The following MSL2 variants were observed in gnomAD, a reference collection of about 807,000 sequenced individuals.
The protein encoded by MSL2 is MSL complex subunit 2.
A neutral mutation model predicts 35.8 loss-of-function variants in MSL2; 2 were observed. The observed-to-expected ratio is 0.06, with a 90% CI of 0.02 to 0.18. The LOEUF (loss-of-function observed/expected upper bound fraction) is 0.18, where lower values mean the gene tolerates loss of function less well. Ranked by LOEUF, MSL2 falls within the 10% of genes least tolerant of loss-of-function variation. MSL2 has a pLI of 1.00. For missense variants in MSL2, 523 were observed against 706.7 expected, an observed-to-expected ratio of 0.74 and a Z score of 2.95; for synonymous variants, 296 against 255.7, an observed-to-expected ratio of 1.16 and a Z score of -1.50.
At chr3:136,153,947 G>A (rs1323430373) in intron 1 of MSL2, among the ~76,000 whole-genome samples, 1 of 151,970 alleles carries the variant, frequency 6.6e-6, no homozygotes, top group Non-Finnish European at 1.5e-5. Flanking sequence ...GCCGGGCAGG[G>A]TGATGGGCAC....
intron 1 of MSL2, among the ~76,000 whole-genome samples, chr3:136,181,646 C>T (rs535814791): frequency 3.3e-5 from 5 of 152,064 alleles, no homozygotes; most frequent in Admixed American, 2.0e-4. Context: ...TGGCCGGGCG[C>T]GGTGGTTCAC....
rs1247782940 is a variant in MSL2 at position 136,151,981 on chromosome 3, A to G, written c.900T>C (p.Asn300=). The G allele has an allele frequency of 1.2e-6, 2 of 1,614,124 alleles. No individual in the cohort carries two copies. Among genetic ancestry groups the G allele is most frequent in the Non-Finnish European group, 1.7e-6 (2 of 1,180,050 alleles). ...LQPNLEATVS[N]GPFLQLSSQS... is the part of the protein sequence containing the mutation. ...GGGAAGAAAGCTGCAGAAAAGGTCC[A>G]TTGGATACAGTGGCTTCCAAGTTCG... The change falls in exon 2 of 2, where the codon AAT becomes AAC. Residue 300 remains asparagine, a synonymous_variant. Coordinates refer to ENST00000309993, the MANE Select transcript of MSL2 (RefSeq NM_018133.4). This position sits in a 1 kb window ranked among gnomAD's most constrained non-coding sequence, Gnocchi z 5.2.
chr3:136,157,371 G>T (rs546447190), intron 1 of MSL2, among the ~76,000 whole-genome samples: 219 of 152,272 alleles, frequency 1.4e-3, no homozygotes, highest in South Asian at 3.5e-3. Flanking sequence ...TCCAAGGGTG[G>T]TGAACACCTG....
At chr3:136,156,925 AG>A (rs1377251336) in intron 1 of MSL2, among the ~76,000 whole-genome samples, 2 of 151,434 alleles carry the variant, frequency 1.3e-5, no homozygotes, top group African/African-American at 2.4e-5. Context: ...TAACTGTTGA[AG>A]AAGAGAAAAT....
rs543172705 is a variant in MSL2 at position 136,176,951 on chromosome 3, C to A, written c.142+18021G>T. Among the ~76,000 whole-genome samples, 944 of 152,262 alleles carry A rather than the reference C, an allele frequency of 6.2e-3. 12 individuals are homozygous for A. Among genetic ancestry groups the A allele is most frequent in the African/African-American group, 0.022 (895 of 41,550 alleles). On this transcript the variant is annotated intron_variant, in intron 1 of 1. Transcript: ENST00000309993. Reference sequence around the variant, plus strand: ...GCTATAAAAGATAACAAGCTCAGGTCAAAGAGAAATGAACTTGAGACCAGA... The same window carrying A: ...GCTATAAAAGATAACAAGCTCAGGTAAAAGAGAAATGAACTTGAGACCAGA...
chr3:136,161,399 A>G (rs1333552087), intron 1 of MSL2, among the ~76,000 whole-genome samples: 1 of 152,220 alleles, frequency 6.6e-6, no homozygotes, highest in Non-Finnish European at 1.5e-5. Flanking sequence ...ACATATCCAC[A>G]CAGAAAAACG....
intron 1 of MSL2, among the ~76,000 whole-genome samples, chr3:136,154,374 T>G (rs1388593210): frequency 6.6e-6 from 1 of 152,218 alleles, no homozygotes; most frequent in East Asian, 1.9e-4. Context: ...TCTCAAATTA[T>G]CAATGACATA....
chr3:136,153,698 G>A (rs1173532549), intron 1 of MSL2, among the ~76,000 whole-genome samples: 5 of 151,964 alleles, frequency 3.3e-5, no homozygotes, highest in African/African-American at 4.8e-5. Flanking sequence ...GCTGAGGCAG[G>A]AGCATCACTT....
chr3:136,194,324 C>A, intron 1 of MSL2: 3 of 775,838 alleles, frequency 3.9e-6, no homozygotes, highest in Non-Finnish European at 4.7e-6. Flanking sequence ...ACAAAAACAT[C>A]TAAAATAACC....
intron 1 of MSL2, among the ~76,000 whole-genome samples, chr3:136,186,388 CA>C (rs750729530): frequency 1.3e-5 from 2 of 152,192 alleles, no homozygotes; most frequent in Non-Finnish European, 2.9e-5. Context: ...TTCTTCTAAT[CA>C]GGGGTCCCTA....
Position 136,149,156 on chromosome 3 carries a change from G to C in MSL2, c.*1991C>G, listed in dbSNP as rs1047391856. On this transcript the variant is annotated 3_prime_UTR_variant, in exon 2 of 2. Transcript: ENST00000309993. ...AAAACCCACAAGATTATCAAACTTGGGAAGCAATAAAGTACTCTATGAATT... is the reference window on the plus strand; with the variant it reads ...AAAACCCACAAGATTATCAAACTTGCGAAGCAATAAAGTACTCTATGAATT... 6.6e-6 allele frequency: 1 copy of C among 150,872 alleles called. No homozygotes were observed. Among genetic ancestry groups the C allele is most frequent in the African/African-American group, 2.4e-5 (1 of 41,052 alleles). The allele number at this position is 150,872 out of a possible 1,614,324, so 9.3% of individuals were successfully genotyped here. A position where few individuals can be genotyped will look rare whatever the true frequency, so the allele number is the denominator to read the frequency against.
At chr3:136,175,391 A>G (rs1284873489) in intron 1 of MSL2, among the ~76,000 whole-genome samples, 2 of 151,696 alleles carry the variant, frequency 1.3e-5, no homozygotes, top group African/African-American at 4.8e-5. Context: ...ACTGATGTCA[A>G]AAGTCTGAGA....
rs34598343 is a variant in MSL2, at chr3:136,149,527, CACAT to C, written c.*1616_*1619del. The C allele has an allele frequency of 0.17, 25,661 of 148,874 alleles. 2,989 individuals carry two copies. The highest frequency in any genetic ancestry group is 0.26 in the Non-Finnish European group (17,641 of 67,194). The allele number at this position is 148,874 out of a possible 1,614,324, so 9.2% of individuals were successfully genotyped here. A position where few individuals can be genotyped will look rare whatever the true frequency, so the allele number is the denominator to read the frequency against. The stretch of plus-strand genomic sequence containing the variant: ...CAAAAACAAAATAGTACATACTGGA[CACAT>C]ACATCACATTTTTCTTCCTATGGCT... On this transcript the variant is annotated 3_prime_UTR_variant, in exon 2 of 2. Coordinates refer to ENST00000309993, the MANE Select transcript of MSL2 (RefSeq NM_018133.4).
chr3:136,168,779 T>C (rs1421805752), intron 1 of MSL2, among the ~76,000 whole-genome samples: 1 of 151,692 alleles, frequency 6.6e-6, no homozygotes, highest in African/African-American at 2.4e-5. Flanking sequence ...CTCACCAAAG[T>C]TTTTAAATAT....
At position 136,195,122 on chromosome 3, in the gene MSL2, C is replaced by T. The variant is rs1940798875; in HGVS notation, c.-9G>A. On this transcript the variant is annotated 5_prime_UTR_variant, in exon 1 of 2. The change creates a new upstream start codon in the 5' untranslated region. Transcript: ENST00000309993. ...GCATTCACGGGGTTCATTGCAGACA[C>T]TTCGACACCAATGGCTCCCGGTTGA... is the stretch of plus-strand genomic sequence containing the variant. 6.3e-7 allele frequency: 1 copy of T among 1,587,602 alleles called. No homozygotes were observed. The highest frequency in any genetic ancestry group is 8.6e-7 in the Non-Finnish European group (1 of 1,167,398).
At chr3:136,154,127 G>A (rs561413712) in intron 1 of MSL2, among the ~76,000 whole-genome samples, 8 of 150,058 alleles carry the variant, frequency 5.3e-5, no homozygotes, top group African/African-American at 1.7e-4. Context: ...AGAGAACTAT[G>A]TTCAACTACA....
Position 136,162,276 on chromosome 3 carries a change from A to T in MSL2, c.143-9538T>A, listed in dbSNP as rs553389911. Among the ~76,000 whole-genome samples, 916 of 150,536 alleles carry T rather than the reference A, an allele frequency of 6.1e-3. 14 individuals are homozygous for T. Among genetic ancestry groups the T allele is most frequent in the African/African-American group, 0.021 (868 of 41,052 alleles). ...AAAAGATAAACCATAAGGTTTTTAA[A>T]AAAAAAAAAAAAAGAGGGCTACCAG... On this transcript the variant is annotated intron_variant, in intron 1 of 1. Coordinates refer to ENST00000309993, the MANE Select transcript of MSL2 (RefSeq NM_018133.4).
At chr3:136,170,441 T>G (rs1393516481) in intron 1 of MSL2, among the ~76,000 whole-genome samples, 1 of 151,440 alleles carries the variant, frequency 6.6e-6, no homozygotes, top group Non-Finnish European at 1.5e-5. Flanking sequence ...CCAACCATAT[T>G]TGTTTCAAAT....
intron 1 of MSL2, among the ~76,000 whole-genome samples, chr3:136,177,344 G>T (rs1360925727): frequency 6.6e-6 from 1 of 152,062 alleles, no homozygotes; most frequent in African/African-American, 2.4e-5. Flanking sequence ...AAACAAGAAA[G>T]AATAATTAAT....
Sources: allele counts gnomAD v4.1 joint callset (sites outside exome capture counted in the v4.1 genomes callset), GRCh38; gene constraint gnomAD v4.1.1; non-coding constraint Gnocchi (gnomAD v3.1); transcripts MANE v1.5; gene names NCBI Gene and HGNC (gene_info 2026-07-23, HGNC 2026-07-21).